The following CADPS2 variants were observed in gnomAD, a reference collection of about 807,000 sequenced individuals.
CADPS2 encodes the protein calcium dependent secretion activator 2.
CADPS2 carries 93 observed loss-of-function variants against 172.5 expected under a neutral mutation model. The ratio of observed to expected loss-of-function variants is 0.54; its 90% CI spans 0.46 to 0.64. The LOEUF (loss-of-function observed/expected upper bound fraction) is 0.64, where lower values mean the gene tolerates loss of function less well. Among genes scored for constraint, CADPS2 ranks in the 30% least tolerant of loss-of-function variants. CADPS2 has a pLI of 0.00. For missense variants in CADPS2, 1,420 were observed against 1,565.9 expected, an observed-to-expected ratio of 0.91 and a Z score of 1.57; for synonymous variants, 546 against 555.2, an observed-to-expected ratio of 0.98 and a Z score of 0.23.
At chr7:122,339,053 AT>A in intron 28 of CADPS2, 1 of 152,008 alleles carries the variant, frequency 6.6e-6, no homozygotes, top group African/African-American at 2.4e-5. Flanking sequence ...GGCATGAGCC[AT>A]CCTGCCCAGC....
intron 1 of CADPS2, among the ~76,000 whole-genome samples, chr7:122,783,975 C>T (rs958334249): frequency 1.3e-5 from 2 of 152,218 alleles, no homozygotes; most frequent in African/African-American, 4.8e-5. Context: ...ATTTTTCCCA[C>T]TAACCTGATT....
At chr7:122,560,643 A>G (rs557198531) in intron 7 of CADPS2, among the ~76,000 whole-genome samples, 4 of 152,332 alleles carry the variant, frequency 2.6e-5, no homozygotes, top group Non-Finnish European at 5.9e-5. Context: ...GACAAAGGAT[A>G]TTTTAGGCAA....
chr7:122,647,325 A>T (rs2078674157), intron 3 of CADPS2, among the ~76,000 whole-genome samples: 1 of 152,164 alleles, frequency 6.6e-6, no homozygotes, highest in African/African-American at 2.4e-5. Context: ...ATTGCTCTTC[A>T]TATCTGACCA....
In CADPS2 at chr7:122,590,320, A is replaced by C. The variant is rs75745311; in HGVS notation, c.1224-9030T>G. On this transcript the variant is annotated intron_variant, in intron 6 of 29. Coordinates refer to ENST00000449022, the MANE Select transcript of CADPS2 (RefSeq NM_017954.11). ...ACAGAGAGCCCAGAAACCAACCCTCACACATATGGTCAAATGTAATGCATA... is the reference window on the plus strand; with the variant it reads ...ACAGAGAGCCCAGAAACCAACCCTCCCACATATGGTCAAATGTAATGCATA... Among the ~76,000 whole-genome samples the C allele has an allele frequency of 5.1e-3, 777 of 152,052 alleles. 8 individuals are homozygous for C. The highest frequency in any genetic ancestry group is 0.017 in the African/African-American group (704 of 41,552).
At chr7:122,655,327 T>C (rs576493840) in intron 3 of CADPS2, among the ~76,000 whole-genome samples, 41 of 152,266 alleles carry the variant, frequency 2.7e-4, no homozygotes, top group African/African-American at 9.4e-4. Context: ...AAATCTTTTG[T>C]GAAAAGAAGA....
chr7:122,648,458 C>A (rs2078790787), intron 3 of CADPS2, among the ~76,000 whole-genome samples: 1 of 152,090 alleles, frequency 6.6e-6, no homozygotes, highest in South Asian at 2.1e-4. Flanking sequence ...AAACAGAACC[C>A]TTGATCCCCT....
At chr7:122,648,228 G>A (rs957166488) in intron 3 of CADPS2, among the ~76,000 whole-genome samples, 1 of 151,842 alleles carries the variant, frequency 6.6e-6, no homozygotes, top group Non-Finnish European at 1.5e-5. Flanking sequence ...CTAAATCCTT[G>A]TGTCCACAGA....
chr7:122,611,357 C>T (rs959742845), intron 6 of CADPS2, among the ~76,000 whole-genome samples: 3 of 151,908 alleles, frequency 2.0e-5, no homozygotes, highest in South Asian at 2.1e-4. Flanking sequence ...GAATCGGAAA[C>T]GGAAAAGAGG....
chr7:122,331,951 T>C (rs1038040898), intron 28 of CADPS2: 2 of 152,144 alleles, frequency 1.3e-5, no homozygotes, highest in African/African-American at 4.8e-5. Flanking sequence ...TGCTTAAGAG[T>C]AGTTCGGTGC....
intron 1 of CADPS2, among the ~76,000 whole-genome samples, chr7:122,877,503 T>C (rs903203573): frequency 2.0e-5 from 3 of 151,858 alleles, no homozygotes; most frequent in African/African-American, 7.3e-5. Flanking sequence ...ACCTAGAAAA[T>C]CTAAAAGGAT....
intron 2 of CADPS2, among the ~76,000 whole-genome samples, chr7:122,706,142 T>G: frequency 1.2e-5 from 1 of 83,534 alleles, no homozygotes; most frequent in Non-Finnish European, 2.2e-5. Flanking sequence ...TGCTTATATA[T>G]TCAAGGAATA....
chr7:122,399,945 A>AT (rs2151574663), intron 20 of CADPS2, among the ~76,000 whole-genome samples: 1 of 148,984 alleles, frequency 6.7e-6, no homozygotes, highest in East Asian at 2.1e-4. Flanking sequence ...AAGTGCTGGG[A>AT]TTACAGGCGT....
chr7:122,332,461 T>G (rs2035131265), intron 28 of CADPS2, among the ~76,000 whole-genome samples: 2 of 151,330 alleles, frequency 1.3e-5, no homozygotes. Context: ...CCATGTTGAA[T>G]AAAGTCATAT....
At chr7:122,812,763 T>A (rs2140190452) in intron 1 of CADPS2, among the ~76,000 whole-genome samples, 1 of 152,240 alleles carries the variant, frequency 6.6e-6, no homozygotes, top group Admixed American at 6.5e-5. Context: ...CAACAAATAA[T>A]ACAGCCCCTA....
chr7:122,427,121 C>CGCGT (rs1554516028), intron 17 of CADPS2: 2 of 146,566 alleles, frequency 1.4e-5, no homozygotes, highest in African/African-American at 5.2e-5. Flanking sequence ...ACATAAATGC[C>CGCGT]GTGTGTGTGT....
chr7:122,442,784 GTTT>G (rs148549043), intron 15 of CADPS2, among the ~76,000 whole-genome samples: 6 of 148,526 alleles, frequency 4.0e-5, no homozygotes, highest in South Asian at 2.1e-4. Flanking sequence ...AGTCACTCAA[GTTT>G]TTTTTTTAAC....
intron 20 of CADPS2, among the ~76,000 whole-genome samples, chr7:122,397,423 G>A: frequency 7.4e-6 from 1 of 135,306 alleles, no homozygotes; most frequent in South Asian, 2.8e-4. Flanking sequence ...GAGAAATGGG[G>A]GAGACAAAGA....
At chr7:122,702,047 G>A (rs1371408338) in intron 2 of CADPS2, 1 of 1,613,546 alleles carries the variant, frequency 6.2e-7, no homozygotes, top group South Asian at 1.1e-5. Context: ...CTGGTCAATA[G>A]CTTTCTTCAC....
intron 2 of CADPS2, among the ~76,000 whole-genome samples, chr7:122,723,473 A>G (rs1232745603): frequency 6.6e-6 from 1 of 152,202 alleles, no homozygotes; most frequent in Non-Finnish European, 1.5e-5. Context: ...CAAAACCACA[A>G]TGAGATACCA....
Sources: allele counts gnomAD v4.1 joint callset (sites outside exome capture counted in the v4.1 genomes callset), GRCh38; gene constraint gnomAD v4.1.1; transcripts MANE v1.5; gene names NCBI Gene and HGNC (gene_info 2026-07-23, HGNC 2026-07-21).